The following MAPK4 variants were observed in gnomAD, a reference collection of about 807,000 sequenced individuals.
MAPK4 encodes the protein Erk3-related.
In MAPK4, 22 loss-of-function variants were observed where a neutral mutation model predicts 47.7. The observed-to-expected ratio is 0.46, with a 90% CI of 0.33 to 0.66. MAPK4 has a LOEUF of 0.66. MAPK4 is among the 30% of genes least tolerant of loss of function. The pLI is 0.02. For synonymous variants in MAPK4, 390 were observed against 365.7 expected (o/e 1.07, Z -0.76); for missense variants, 736 against 831.7 (o/e 0.88, Z 1.42).
chr18:50,661,486 G>A (rs2043171310), intron 1 of MAPK4, among the ~76,000 whole-genome samples: 1 of 152,290 alleles, frequency 6.6e-6, no homozygotes, highest in South Asian at 2.1e-4. Flanking sequence ...CACTAAGCTG[G>A]TGCTCTCCAA....
chr18:50,650,186 C>T lies in MAPK4; in HGVS notation c.-870-12903C>T, dbSNP rs77315269. On this transcript the variant is annotated intron_variant, in intron 1 of 5. Transcript: ENST00000400384. Reference sequence around the variant, plus strand: ...TATATCAAGTGTATGTCCAAGGCTCCCAGGCAGTGAGAATACTCCGTCTCT... The same window carrying T: ...TATATCAAGTGTATGTCCAAGGCTCTCAGGCAGTGAGAATACTCCGTCTCT... 5.9e-3 allele frequency among the ~76,000 whole-genome samples: 897 copies of T among 152,280 alleles called. 4 individuals are homozygous for T. Among genetic ancestry groups the T allele is most frequent in the African/African-American group, 0.02 (826 of 41,560 alleles).
At chr18:50,686,989 C>G (rs77177397) in intron 2 of MAPK4, among the ~76,000 whole-genome samples, 1,545 of 152,334 alleles carry the variant, frequency 0.01, 30 homozygotes, top group African/African-American at 0.035. Context: ...ACATATATAA[C>G]AGCTTTAATG....
chr18:50,691,726 G>A (rs1909227574), intron 2 of MAPK4, among the ~76,000 whole-genome samples: 1 of 152,202 alleles, frequency 6.6e-6, no homozygotes, highest in Non-Finnish European at 1.5e-5. Flanking sequence ...ATCATTTTCA[G>A]GTTTTGCCTA....
intron 1 of MAPK4, among the ~76,000 whole-genome samples, chr18:50,602,207 C>T (rs747275430): frequency 5.9e-5 from 9 of 152,186 alleles, no homozygotes; most frequent in Non-Finnish European, 5.9e-5. Flanking sequence ...TTAGCAAGTA[C>T]ATCGTAGGTC....
intron 2 of MAPK4, among the ~76,000 whole-genome samples, chr18:50,712,769 C>T (rs571183632): frequency 1.3e-5 from 2 of 152,290 alleles, no homozygotes; most frequent in East Asian, 1.9e-4. Context: ...AAAGACTGTG[C>T]ATTTACATAT....
chr18:50,674,280 A>T (rs1289283825), intron 2 of MAPK4, among the ~76,000 whole-genome samples: 1 of 152,218 alleles, frequency 6.6e-6, no homozygotes, highest in African/African-American at 2.4e-5. Flanking sequence ...AAGAAGGATA[A>T]TTAGAAAATT....
At chr18:50,584,417 A>AT (rs960086603) in intron 1 of MAPK4, among the ~76,000 whole-genome samples, 2 of 152,014 alleles carry the variant, frequency 1.3e-5, no homozygotes, top group African/African-American at 4.8e-5. Context: ...GGCATGTCTC[A>AT]TGTTCTTAAA....
At chr18:50,727,406 C>T (rs983058341) in intron 5 of MAPK4, among the ~76,000 whole-genome samples, 2 of 152,204 alleles carry the variant, frequency 1.3e-5, no homozygotes, top group African/African-American at 2.4e-5. Context: ...TAAGGAGGCA[C>T]TGAGGGAGGG....
At chr18:50,586,828 G>C (rs1472182688) in intron 1 of MAPK4, among the ~76,000 whole-genome samples, 1 of 152,066 alleles carries the variant, frequency 6.6e-6, no homozygotes, top group Admixed American at 6.5e-5. Context: ...TATATGCTTG[G>C]TAATATTAAA....
At chr18:50,696,059 G>A (rs1222771864) in intron 2 of MAPK4, among the ~76,000 whole-genome samples, 1 of 151,604 alleles carries the variant, frequency 6.6e-6, no homozygotes, top group East Asian at 1.9e-4. Flanking sequence ...GGGCACTGCA[G>A]GATGCAGTGG....
rs114148692 is a variant in MAPK4, at chr18:50,615,828, A to G, written c.-870-47261A>G. Reference sequence around the variant, plus strand: ...GAAAGAGCTTTGAATGGTTTTAAGCACATTGCAGGCCAGAGGCTACCTGAA... The same window carrying G: ...GAAAGAGCTTTGAATGGTTTTAAGCGCATTGCAGGCCAGAGGCTACCTGAA... On this transcript the variant is annotated intron_variant, in intron 1 of 5. Transcript: ENST00000400384. 7.0e-3 allele frequency among the ~76,000 whole-genome samples: 1,069 copies of G among 152,340 alleles called. 12 individuals carry two copies. The highest frequency in any genetic ancestry group is 0.024 in the African/African-American group (982 of 41,574).
chr18:50,641,754 G>C (rs2042943054), intron 1 of MAPK4, among the ~76,000 whole-genome samples: 3 of 152,140 alleles, frequency 2.0e-5, no homozygotes. Context: ...AAATAAACTA[G>C]ATAATTATTA....
At chr18:50,650,944 G>A (rs1260748852) in intron 1 of MAPK4, among the ~76,000 whole-genome samples, 1 of 152,198 alleles carries the variant, frequency 6.6e-6, no homozygotes, top group Non-Finnish European at 1.5e-5. Context: ...GCCCTGTAAG[G>A]TTAGCCCCAG....
chr18:50,628,187 T>A (rs920913549), intron 1 of MAPK4, among the ~76,000 whole-genome samples: 1 of 152,142 alleles, frequency 6.6e-6, no homozygotes, highest in Non-Finnish European at 1.5e-5. Context: ...GCAAAAATAG[T>A]GAAAATCTGC....
At chr18:50,704,458 G>A (rs368634363) in intron 2 of MAPK4, 46 of 397,654 alleles carry the variant, frequency 1.2e-4, no homozygotes, top group Non-Finnish European at 1.5e-4. Context: ...TTTAGCCTGG[G>A]TGACAAAGTG....
intron 2 of MAPK4, among the ~76,000 whole-genome samples, chr18:50,672,509 C>T (rs1908013241): frequency 6.6e-6 from 1 of 152,140 alleles, no homozygotes; most frequent in South Asian, 2.1e-4. Context: ...CGTTCAGTGC[C>T]TCCCTGTCCC....
intron 1 of MAPK4, among the ~76,000 whole-genome samples, chr18:50,601,812 G>A (rs2042544383): frequency 6.6e-6 from 1 of 152,148 alleles, no homozygotes; most frequent in Non-Finnish European, 1.5e-5. Context: ...GGGTCACTGG[G>A]CACATTCTGT....
At chr18:50,606,990 G>A (rs72917684) in intron 1 of MAPK4, among the ~76,000 whole-genome samples, 49,983 of 152,176 alleles carry the variant, frequency 0.33, 8,556 homozygotes, top group Non-Finnish European at 0.37. Context: ...TGCACACATA[G>A]CGTGGTTAAG....
At chr18:50,715,037 C>T in intron 2 of MAPK4, 42 bp from the exon 3 acceptor site, 1 of 1,602,462 alleles carries the variant, frequency 6.2e-7, no homozygotes, top group Non-Finnish European at 8.5e-7. Flanking sequence ...GAAGGGTATC[C>T]AAAAATGACT....
Sources: gnomAD v4.1 joint callset for allele counts (sites outside exome capture counted in the v4.1 genomes callset) on GRCh38, gnomAD v4.1.1 for gene constraint, MANE v1.5 for transcripts, NCBI Gene and HGNC (gene_info 2026-07-23, HGNC 2026-07-21) for gene names.